SEH1L: variants seen among roughly 807,000 people sequenced by gnomAD.
The protein encoded by SEH1L is nucleoporin SEH1.
In SEH1L, 18 loss-of-function variants were observed where a neutral mutation model predicts 49.5. That is an observed-to-expected ratio of 0.36 (90% CI 0.25 to 0.54). The LOEUF (loss-of-function observed/expected upper bound fraction) is 0.54. Ranked by LOEUF, SEH1L falls within the 20% of genes least tolerant of loss-of-function variation. The pLI, the probability that SEH1L is intolerant of heterozygous loss-of-function variation, is 0.87. For synonymous variants in SEH1L, 169 were observed against 178.1 expected, an observed-to-expected ratio of 0.95 and a Z score of 0.41; for missense variants, 404 against 528.8, an observed-to-expected ratio of 0.76 and a Z score of 2.31.
At chr18:12,964,792 C>T (rs902773361) in intron 4 of SEH1L, among the ~76,000 whole-genome samples, 3 of 151,344 alleles carry the variant, frequency 2.0e-5, no homozygotes, top group Non-Finnish European at 2.9e-5. Context: ...CCCGCCACCA[C>T]ATCTGGCTAG....
chr18:12,980,743 G>GTA (rs2032198770), intron 6 of SEH1L, among the ~76,000 whole-genome samples: 1 of 62,632 alleles, frequency 1.6e-5, no homozygotes. Context: ...CGGGCAGAGG[G>GTA]GCTCCTCACT....
chr18:12,967,711 T>A (rs2031513165), intron 4 of SEH1L, among the ~76,000 whole-genome samples: 1 of 152,062 alleles, frequency 6.6e-6, no homozygotes, highest in Admixed American at 6.5e-5. Context: ...GTCAGGAGTT[T>A]GAGACTAGCC....
rs759706897 is a variant in SEH1L, at chr18:12,971,145, G to A, written c.522-8G>A. The A allele has an allele frequency of 1.3e-5, 21 of 1,598,826 alleles. No homozygotes were observed. In the Admixed American group the frequency reaches 2.7e-4, roughly 20 times the overall value. On this transcript the variant is annotated splice_region_variant and splice_polypyrimidine_tract_variant and intron_variant, in intron 4 of 8. Coordinates refer to ENST00000399892, the MANE Select transcript of SEH1L (RefSeq NM_001013437.2). The stretch of plus-strand genomic sequence containing the variant: ...GTTATCTAAAATGTTCTTTCTCCCC[G>A]TTTCTAGCTCTCGTGCTCATTCCCC...
intron 3 of SEH1L, among the ~76,000 whole-genome samples, chr18:12,956,213 T>A (rs1467141756): frequency 1.3e-5 from 2 of 151,874 alleles, no homozygotes; most frequent in East Asian, 3.9e-4. Flanking sequence ...CCCATCTAAT[T>A]TTTTGCATTT....
At chr18:12,982,105 A>T (rs955976987) in intron 6 of SEH1L, among the ~76,000 whole-genome samples, 1 of 151,990 alleles carries the variant, frequency 6.6e-6, no homozygotes, top group Non-Finnish European at 1.5e-5. Flanking sequence ...GCCTCAAGTG[A>T]TCTGTCCACC....
intron 4 of SEH1L, among the ~76,000 whole-genome samples, chr18:12,969,324 G>A (rs1346156030): frequency 1.3e-5 from 2 of 151,182 alleles, no homozygotes; most frequent in Non-Finnish European, 2.9e-5. Flanking sequence ...AGCTACTTGG[G>A]AGGAGGATTG....
chr18:12,971,351 A>G (rs2031691751), intron 5 of SEH1L, 100 bp downstream of exon 5: 7 of 792,570 alleles, frequency 8.8e-6, no homozygotes, highest in Non-Finnish European at 1.5e-5. Context: ...CATTCATCAT[A>G]TGTTTGCTGA....
intron 6 of SEH1L, among the ~76,000 whole-genome samples, chr18:12,981,330 C>T (rs2032247384): frequency 6.6e-6 from 1 of 152,196 alleles, no homozygotes; most frequent in Admixed American, 6.5e-5. Context: ...GCAATCTCGG[C>T]ACTTTGGGGG....
At chr18:12,968,003 G>C (rs570630931) in intron 4 of SEH1L, among the ~76,000 whole-genome samples, 111 of 152,266 alleles carry the variant, frequency 7.3e-4, no homozygotes, top group African/African-American at 2.6e-3. Context: ...TACAAGTGCA[G>C]AATCTCTAAA....
intron 1 of SEH1L, among the ~76,000 whole-genome samples, chr18:12,950,555 G>C (rs544405172): frequency 1.1e-3 from 169 of 152,188 alleles, no homozygotes; most frequent in African/African-American, 3.8e-3. Context: ...TATATGTCTT[G>C]TCAGAAATAG....
intron 2 of SEH1L, among the ~76,000 whole-genome samples, chr18:12,952,765 C>T (rs1281284306): frequency 6.7e-6 from 1 of 150,216 alleles, no homozygotes; most frequent in Non-Finnish European, 1.5e-5. Flanking sequence ...TCCCCTCCCA[C>T]CCTCTCTTCT....
At chr18:12,985,711 TTA>T in intron 8 of SEH1L, 4 of 952,036 alleles carry the variant, frequency 4.2e-6, no homozygotes, top group Non-Finnish European at 5.0e-6. Flanking sequence ...TAAATATTTT[TTA>T]TAAAGATTGT....
rs2031281739 is a variant in SEH1L, at chr18:12,963,289, G to A, written c.439G>A (p.Val147Ile). 6.2e-7 allele frequency: 1 copy of A among 1,614,008 alleles called. No individual in the cohort carries two copies. The highest frequency in any genetic ancestry group is 1.1e-5 in the South Asian group (1 of 91,092). Residue 147 changes from valine (V) to isoleucine (I), a missense_variant, in exon 4 of 9, where the codon GTT becomes ATT. Physicochemically the swap from Val to Ile is conservative, Grantham distance 29. Coordinates refer to ENST00000399892, the MANE Select transcript of SEH1L (RefSeq NM_001013437.2). The part of the protein sequence containing the change: ...GIVRIYEAPD[V>I]MNLSQWSLQH... The stretch of plus-strand genomic sequence containing the variant: ...AGTAAGAATCTATGAGGCACCAGAT[G>A]TTATGAATCTCAGCCAGTGGTCTTT...
At chr18:12,956,692 C>T (rs1460516829) in intron 3 of SEH1L, among the ~76,000 whole-genome samples, 1 of 148,732 alleles carries the variant, frequency 6.7e-6, no homozygotes, top group African/African-American at 2.5e-5. Context: ...TCCAGTTCTT[C>T]TGACATTTTA....
chr18:12,957,289 A>G (rs2030924592), intron 3 of SEH1L, among the ~76,000 whole-genome samples: 1 of 150,516 alleles, frequency 6.6e-6, no homozygotes, highest in Admixed American at 6.7e-5. Flanking sequence ...TTAGCTGAGC[A>G]TGGTGGCACA....
At chr18:12,958,305 C>T (rs1325252228) in intron 3 of SEH1L, among the ~76,000 whole-genome samples, 7 of 151,428 alleles carry the variant, frequency 4.6e-5, no homozygotes, top group African/African-American at 1.5e-4. Flanking sequence ...AGGCTGGTCA[C>T]GAACTCCTGA....
At chr18:12,961,821 A>C (rs1012080572) in intron 3 of SEH1L, among the ~76,000 whole-genome samples, 2 of 151,924 alleles carry the variant, frequency 1.3e-5, no homozygotes, top group African/African-American at 4.8e-5. Flanking sequence ...CGCCCGCCAC[A>C]ATGTCTGGCT....
intron 5 of SEH1L, 137 bp from the exon 6 acceptor site, chr18:12,978,615 G>T: frequency 1.6e-6 from 1 of 627,052 alleles, no homozygotes; most frequent in Non-Finnish European, 2.7e-6. Context: ...TATTCTTTTG[G>T]GGGCTGCTGT....
intron 6 of SEH1L, among the ~76,000 whole-genome samples, chr18:12,981,934 A>G (rs749859772): frequency 3.1e-5 from 4 of 129,402 alleles, no homozygotes; most frequent in Non-Finnish European, 6.1e-5. Flanking sequence ...ATCTTGGCTC[A>G]CTGCAACCTC....
Sources: gnomAD v4.1 joint callset for allele counts (sites outside exome capture counted in the v4.1 genomes callset) on GRCh38, gnomAD v4.1.1 for gene constraint, MANE v1.5 for transcripts, NCBI Gene and HGNC (gene_info 2026-07-23, HGNC 2026-07-21) for gene names.